Variants in ZNF827 observed in about 807,000 individuals in gnomAD.
The protein encoded by ZNF827 is zinc finger protein 827.
In ZNF827, 13 loss-of-function variants were observed where a neutral mutation model predicts 102.4. The ratio of observed to expected loss-of-function variants is 0.13; its 90% CI spans 0.08 to 0.20. The LOEUF is 0.20. Among genes scored for constraint, ZNF827 ranks in the 10% least tolerant of loss-of-function variants. ZNF827 has a pLI of 1.00. For synonymous variants in ZNF827, 523 were observed against 536.2 expected (o/e 0.98, Z 0.34); for missense variants, 1,103 against 1,344.4 (o/e 0.82, Z 2.81).
At chr4:145,937,917 A>C (rs995307598) in intron 1 of ZNF827, among the ~76,000 whole-genome samples, 2 of 120,608 alleles carry the variant, frequency 1.7e-5, no homozygotes. Context: ...CGACCCCCGC[A>C]CCCTCAGGCG....
chr4:145,764,684 C>G (rs776574183), intron 13 of ZNF827: 54 of 363,920 alleles, frequency 1.5e-4, no homozygotes, highest in Non-Finnish European at 3.1e-5. Context: ...AAAATCAAGT[C>G]TGAACAAAAC....
At chr4:145,927,469 G>C (rs1485750147) in intron 1 of ZNF827, among the ~76,000 whole-genome samples, 1 of 152,242 alleles carries the variant, frequency 6.6e-6, no homozygotes, top group Non-Finnish European at 1.5e-5. Context: ...AGATACATTT[G>C]ATTTGATAAG....
At chr4:145,855,805 C>CCTG (rs1747038507) in intron 5 of ZNF827, among the ~76,000 whole-genome samples, 1 of 152,194 alleles carries the variant, frequency 6.6e-6, no homozygotes, top group Non-Finnish European at 1.5e-5. Context: ...GCCCTGAAGC[C>CCTG]ATCCCCTCAC....
Position 145,879,036 on chromosome 4 carries a change from T to C in ZNF827, c.1747+6642A>G, listed in dbSNP as rs970884216. Among the ~76,000 whole-genome samples, 4 of 152,094 alleles carry C rather than the reference T, an allele frequency of 2.6e-5. 1 individual carries two copies. In the South Asian group the frequency reaches 6.2e-4, roughly 24 times the overall value. ...AACTAGATTAGTGACTGAAAGTGCA[T>C]GCATTCAAAATGATGCCATGGTTTG... On this transcript the variant is annotated intron_variant, in intron 4 of 14. Coordinates refer to ENST00000508784, the MANE Select transcript of ZNF827 (RefSeq NM_001306215.2).
At chr4:145,929,987 C>T (rs1360952786) in intron 1 of ZNF827, among the ~76,000 whole-genome samples, 1 of 152,150 alleles carries the variant, frequency 6.6e-6, no homozygotes, top group Admixed American at 6.5e-5. Context: ...AACAGCCTGG[C>T]CCCAGAGTTT....
At chr4:145,787,048 T>C (rs1220275284) in intron 8 of ZNF827, among the ~76,000 whole-genome samples, 1 of 152,206 alleles carries the variant, frequency 6.6e-6, no homozygotes, top group African/African-American at 2.4e-5. Flanking sequence ...AGGCTCCCTA[T>C]GACCACCTCT....
At chr4:145,806,352 C>T (rs184281305) in intron 8 of ZNF827, among the ~76,000 whole-genome samples, 44 of 151,710 alleles carry the variant, frequency 2.9e-4, no homozygotes, top group African/African-American at 7.5e-4. Context: ...GATGGGGTTT[C>T]GCCATGTTGC....
At chr4:145,908,679 T>C (rs374033645) in intron 1 of ZNF827, among the ~76,000 whole-genome samples, 84 of 152,366 alleles carry the variant, frequency 5.5e-4, no homozygotes, top group African/African-American at 1.9e-3. Context: ...GTGCTACTAA[T>C]TGACTTAATT....
At chr4:145,779,283 A>G (rs1737589887) in intron 9 of ZNF827, 91 bp downstream of exon 9, 2 of 1,480,998 alleles carry the variant, frequency 1.4e-6, no homozygotes, top group African/African-American at 2.8e-5. Context: ...CACTTCCTGT[A>G]ATGCCTCTCT....
chr4:145,824,718 A>AC (rs71592422), intron 7 of ZNF827, among the ~76,000 whole-genome samples: 1 of 151,820 alleles, frequency 6.6e-6, no homozygotes, highest in Admixed American at 6.6e-5. Context: ...AGGGATCACT[A>AC]CCCCCCACCA....
chr4:145,912,750 C>G (rs1440983548), intron 1 of ZNF827, among the ~76,000 whole-genome samples: 2 of 152,348 alleles, frequency 1.3e-5, no homozygotes, highest in Non-Finnish European at 2.9e-5. Context: ...AGGTCTGGAA[C>G]AGACCCTTCC....
intron 7 of ZNF827, chr4:145,839,091 CGT>C (rs1745166541): frequency 6.6e-6 from 1 of 152,162 alleles, no homozygotes; most frequent in Non-Finnish European, 1.5e-5. Flanking sequence ...GGAACATATA[CGT>C]ATTTTTCATG....
intron 11 of ZNF827, among the ~76,000 whole-genome samples, chr4:145,767,059 A>G (rs1437530117): frequency 6.6e-6 from 1 of 152,234 alleles, no homozygotes; most frequent in Non-Finnish European, 1.5e-5. Flanking sequence ...CAGATGTGCA[A>G]AAAGATAAAC....
chr4:145,904,630 T>A (rs2126897603), intron 1 of ZNF827, among the ~76,000 whole-genome samples: 1 of 152,138 alleles, frequency 6.6e-6, no homozygotes, highest in South Asian at 2.1e-4. Flanking sequence ...TGGGGTGCAG[T>A]GAGTGAGGTC....
At chr4:145,874,608 T>G (rs548990381) in intron 4 of ZNF827, among the ~76,000 whole-genome samples, 1 of 152,200 alleles carries the variant, frequency 6.6e-6, no homozygotes, top group Non-Finnish European at 1.5e-5. Context: ...TTCAAGATGT[T>G]TTCTTTTTCT....
chr4:145,907,762 GTC>G (rs1014194722), intron 1 of ZNF827, among the ~76,000 whole-genome samples: 20 of 151,920 alleles, frequency 1.3e-4, no homozygotes, highest in African/African-American at 4.8e-4. Flanking sequence ...AACAACCTCT[GTC>G]TCTGACTGTC....
At chr4:145,919,335 C>T (rs922022144) in intron 1 of ZNF827, among the ~76,000 whole-genome samples, 1 of 152,136 alleles carries the variant, frequency 6.6e-6, no homozygotes, top group East Asian at 1.9e-4. Context: ...CCTAAGGGAC[C>T]ACCCGTACTT....
chr4:145,900,295 C>T lies in ZNF827; in HGVS notation c.1093+1871G>A, dbSNP rs573126811. 3.3e-5 allele frequency among the ~76,000 whole-genome samples: 5 copies of T among 152,298 alleles called. No individual in the cohort carries two copies. The South Asian group carries it at 1.0e-3, about 32-fold the overall frequency. ...TCAATCAACTAAAGTTTATTATTAACTTTGCATAAGCTTTCCCAACTAACA... is the reference window on the plus strand; with the variant it reads ...TCAATCAACTAAAGTTTATTATTAATTTTGCATAAGCTTTCCCAACTAACA... On this transcript the variant is annotated intron_variant, in intron 2 of 14. Coordinates refer to ENST00000508784, the MANE Select transcript of ZNF827 (RefSeq NM_001306215.2).
intron 7 of ZNF827, among the ~76,000 whole-genome samples, chr4:145,834,737 A>G (rs551139154): frequency 3.2e-4 from 48 of 152,066 alleles, no homozygotes; most frequent in African/African-American, 1.1e-3. Context: ...CCTAGACCCT[A>G]AAAGGTCAAA....
Sources: gnomAD v4.1 joint callset for allele counts (sites outside exome capture counted in the v4.1 genomes callset) on GRCh38, gnomAD v4.1.1 for gene constraint, MANE v1.5 for transcripts, NCBI Gene and HGNC (gene_info 2026-07-23, HGNC 2026-07-21) for gene names.